Variants in DLGAP2 observed in about 807,000 individuals in gnomAD.
The protein encoded by DLGAP2 is DLG associated protein 2, also known as disks large-associated protein 2.
A neutral mutation model predicts 100.3 loss-of-function variants in DLGAP2; 26 were observed. That is an observed-to-expected ratio of 0.26 (90% CI 0.19 to 0.36). The LOEUF is 0.36. Ranked by LOEUF, DLGAP2 falls within the 10% of genes least tolerant of loss-of-function variation. DLGAP2 has a pLI of 1.00. For synonymous variants in DLGAP2, 886 were observed against 630.1 expected, an observed-to-expected ratio of 1.41 and a Z score of -6.08; for missense variants, 1,858 against 1,453.2, an observed-to-expected ratio of 1.28 and a Z score of -4.53.
intron 6 of DLGAP2, among the ~76,000 whole-genome samples, chr8:1,588,595 G>T (rs1387863297): frequency 6.6e-6 from 1 of 152,056 alleles, no homozygotes; most frequent in Non-Finnish European, 1.5e-5. Flanking sequence ...TATGTGTACA[G>T]ACTGTTAAAA....
At chr8:984,138 G>A (rs1318128542) in intron 2 of DLGAP2, among the ~76,000 whole-genome samples, 1 of 152,170 alleles carries the variant, frequency 6.6e-6, no homozygotes, top group Non-Finnish European at 1.5e-5. Flanking sequence ...CCAAAAGTAA[G>A]TATTTTAAAA....
intron 3 of DLGAP2, among the ~76,000 whole-genome samples, chr8:1,276,465 C>T (rs149522111): frequency 5.3e-5 from 8 of 152,092 alleles, no homozygotes; most frequent in East Asian, 1.9e-4. Flanking sequence ...TGAGGGGGGA[C>T]GGGAGGGCTG....
intron 2 of DLGAP2, among the ~76,000 whole-genome samples, chr8:1,191,455 C>T (rs1285980786): frequency 6.6e-5 from 10 of 152,294 alleles, no homozygotes; most frequent in Middle Eastern, 6.8e-3. Context: ...TAGGCGTGAG[C>T]CACCGCGCCC....
At chr8:998,907 C>T (rs1005892229) in intron 2 of DLGAP2, among the ~76,000 whole-genome samples, 15 of 152,040 alleles carry the variant, frequency 9.9e-5, no homozygotes. Context: ...TTTCTGTTTC[C>T]TGCATTGTTC....
chr8:1,093,420 C>T (rs1415376087), intron 2 of DLGAP2, among the ~76,000 whole-genome samples: 1 of 149,404 alleles, frequency 6.7e-6, no homozygotes, highest in Non-Finnish European at 1.5e-5. Context: ...CAGCCAGAAA[C>T]ACCTTCACAC....
intron 1 of DLGAP2, among the ~76,000 whole-genome samples, chr8:799,032 C>T (rs933800919): frequency 1.3e-5 from 2 of 152,222 alleles, no homozygotes; most frequent in African/African-American, 4.8e-5. Context: ...GACAGTATGA[C>T]ACATGTTGGG....
At chr8:763,662 G>T (rs1350927042) in intron 1 of DLGAP2, among the ~76,000 whole-genome samples, 1 of 152,160 alleles carries the variant, frequency 6.6e-6, no homozygotes, top group Non-Finnish European at 1.5e-5. Context: ...AGGCAGTGCT[G>T]GCTGAGGAGA....
chr8:1,198,270 C>G (rs1563247864), intron 2 of DLGAP2, among the ~76,000 whole-genome samples: 1 of 152,128 alleles, frequency 6.6e-6, no homozygotes, highest in Non-Finnish European at 1.5e-5. Flanking sequence ...AGGAAAGGGA[C>G]TTTTGTAAGC....
At chr8:1,006,299 A>G (rs1253556823) in intron 2 of DLGAP2, among the ~76,000 whole-genome samples, 1 of 152,170 alleles carries the variant, frequency 6.6e-6, no homozygotes, top group Non-Finnish European at 1.5e-5. Context: ...CGAGGACGCC[A>G]TGTGTCTGAA....
intron 2 of DLGAP2, among the ~76,000 whole-genome samples, chr8:1,050,040 A>G (rs560056697): frequency 7.9e-4 from 120 of 152,352 alleles, no homozygotes; most frequent in African/African-American, 2.7e-3. Context: ...GTGTACACAC[A>G]TGCTGTCACA....
At chr8:1,606,717 CTG>C (rs1445104478) in intron 6 of DLGAP2, among the ~76,000 whole-genome samples, 1 of 152,188 alleles carries the variant, frequency 6.6e-6, no homozygotes, top group East Asian at 1.9e-4. Flanking sequence ...AGGTCTCACT[CTG>C]TTGCCCAGGC....
At chr8:822,362 G>GAAT (rs140559808) in intron 1 of DLGAP2, among the ~76,000 whole-genome samples, 2,737 of 152,330 alleles carry the variant, frequency 0.018, 84 homozygotes, top group African/African-American at 0.063. Context: ...GCCGGGTATG[G>GAAT]TAAGGCCGGG....
chr8:1,235,867 C>T (rs2116844822), intron 2 of DLGAP2, among the ~76,000 whole-genome samples: 1 of 7,900 alleles, frequency 1.3e-4, no homozygotes, highest in South Asian at 4.2e-3. Flanking sequence ...TCTCACATGG[C>T]GCCGTGTCTA....
intron 3 of DLGAP2, among the ~76,000 whole-genome samples, chr8:1,341,399 A>T (rs772199526): frequency 2.0e-5 from 3 of 152,192 alleles, no homozygotes; most frequent in Non-Finnish European, 4.4e-5. Context: ...TCTTACCCAG[A>T]AATTATTCAT....
intron 4 of DLGAP2, among the ~76,000 whole-genome samples, chr8:1,519,107 T>G (rs1800499666): frequency 6.6e-6 from 1 of 152,194 alleles, no homozygotes; most frequent in Non-Finnish European, 1.5e-5. Context: ...TACGAAGGCT[T>G]GGCTTTCACA....
In DLGAP2 at chr8:1,706,641, A is replaced by G. The variant is rs1300888903; in HGVS notation, c.*5235A>G. ...AGAACAAGAACCCAGCACCAACCAG[A>G]ATTAGGCCACGTTTTCACCATTACT... On this transcript the variant is annotated 3_prime_UTR_variant, in exon 15 of 15. Coordinates refer to ENST00000637795, the MANE Select transcript of DLGAP2 (RefSeq NM_001346810.2). The G allele has an allele frequency of 6.6e-6, 1 of 152,182 alleles. No homozygotes were observed. The highest frequency in any genetic ancestry group is 1.9e-4 in the East Asian group (1 of 5,190). 9.4% of individuals were successfully genotyped at this position (152,182 alleles called of 1,614,324 possible).
intron 3 of DLGAP2, among the ~76,000 whole-genome samples, chr8:1,472,148 C>T (rs2130204531): frequency 6.6e-6 from 1 of 152,290 alleles, no homozygotes; most frequent in East Asian, 1.9e-4. Flanking sequence ...GCAGGACATG[C>T]AGAGCTCAGA....
chr8:1,228,140 A>T (rs1798460406), intron 2 of DLGAP2, among the ~76,000 whole-genome samples: 1 of 151,612 alleles, frequency 6.6e-6, no homozygotes, highest in Non-Finnish European at 1.5e-5. Context: ...TGATGAGTTA[A>T]TGGGTGCAGC....
At position 1,189,727 on chromosome 8, in the gene DLGAP2, G is replaced by C. The variant is rs963062672; in HGVS notation, c.74-69124G>C. Reference sequence around the variant, plus strand: ...AGTTTGTAATATGAAGCGAGCTCGAGTTATCCAATAGGCATTTGTGTTCAG... The same window carrying C: ...AGTTTGTAATATGAAGCGAGCTCGACTTATCCAATAGGCATTTGTGTTCAG... On this transcript the variant is annotated intron_variant, in intron 2 of 14. Coordinates refer to ENST00000637795, the MANE Select transcript of DLGAP2 (RefSeq NM_001346810.2). 3.5e-5 allele frequency among the ~76,000 whole-genome samples: 4 copies of C among 114,194 alleles called. No individual in the cohort carries two copies. The East Asian group carries it at 8.7e-4, about 25-fold the overall frequency. The allele number at this position is 114,194 out of a possible 152,430, so 74.9% of individuals were successfully genotyped here.
Sources: allele counts gnomAD v4.1 joint callset (sites outside exome capture counted in the v4.1 genomes callset), GRCh38; gene constraint gnomAD v4.1.1; transcripts MANE v1.5; gene names NCBI Gene and HGNC (gene_info 2026-07-23, HGNC 2026-07-21).